Variants in ABR observed in about 807,000 individuals in gnomAD.
The protein encoded by ABR is ABR activator of RhoGEF and GTPase, also known as active breakpoint cluster region-related protein.
In ABR, 35 loss-of-function variants were observed where a neutral mutation model predicts 107.2. That is an observed-to-expected ratio of 0.33 (90% CI 0.25 to 0.43). The LOEUF (loss-of-function observed/expected upper bound fraction) is 0.43, where lower values mean the gene tolerates loss of function less well. ABR is among the 20% of genes least tolerant of loss of function. ABR has a pLI of 1.00. For missense variants in ABR, 815 were observed against 1,115.2 expected, an observed-to-expected ratio of 0.73 and a Z score of 3.83; for synonymous variants, 498 against 462.0, an observed-to-expected ratio of 1.08 and a Z score of -1.00.
chr17:1,064,964 C>T (rs2034542138), intron 10 of ABR, among the ~76,000 whole-genome samples: 2 of 85,476 alleles, frequency 2.3e-5, no homozygotes, highest in Admixed American at 1.2e-4. Context: ...TTCCTCTAGA[C>T]ACTGCTGTTA....
At chr17:1,013,842 C>T (rs890793974) in intron 16 of ABR, among the ~76,000 whole-genome samples, 2 of 152,184 alleles carry the variant, frequency 1.3e-5, no homozygotes, top group Non-Finnish European at 2.9e-5. Flanking sequence ...CAGGGAGGTG[C>T]GGACCCCAGG....
chr17:1,030,669 C>T (rs1012939612), intron 16 of ABR, among the ~76,000 whole-genome samples: 2 of 152,230 alleles, frequency 1.3e-5, no homozygotes, highest in African/African-American at 4.8e-5. Context: ...TTCGTCCTGG[C>T]TGATGCCAGG....
rs1243749251 is a variant in ABR, at chr17:1,078,051, G to C, written c.700+1279C>G. ...TCCCGGGACTTCCCCCCAGCCCCCA[G>C]CCAGCTGCGGGAGCTGCAAGGAGGA... On this transcript the variant is annotated intron_variant, in intron 6 of 22. Transcript: ENST00000302538. This position sits in a 1 kb window ranked among gnomAD's most constrained non-coding sequence, Gnocchi z 7.5. Among the ~76,000 whole-genome samples the C allele has an allele frequency of 2.0e-5, 3 of 152,042 alleles. No individual in the cohort carries two copies. Among genetic ancestry groups the C allele is most frequent in the Non-Finnish European group, 4.4e-5 (3 of 68,012 alleles).
chr17:1,088,452 TTAATAATAA>T (rs60961802), intron 4 of ABR, among the ~76,000 whole-genome samples: 4,040 of 143,476 alleles, frequency 0.028, 88 homozygotes, highest in African/African-American at 0.061. Flanking sequence ...TCTTCCCAAT[TTAATAATAA>T]TAATAATAAT....
intron 16 of ABR, among the ~76,000 whole-genome samples, chr17:1,018,193 C>A (rs866260291): frequency 6.6e-6 from 1 of 152,044 alleles, no homozygotes; most frequent in Admixed American, 6.6e-5. Context: ...CAGGCGCCCG[C>A]CACCACCCCC....
chr17:1,050,837 G>A lies in ABR; in HGVS notation c.1562-203C>T, dbSNP rs2277684. ...TTAGGGGCTCAGCCCTCCCCACCTC[G>A]GCTCACCCCACACTCTGCCCTTCCT... is the stretch of plus-strand genomic sequence containing the variant. On this transcript the variant is annotated intron_variant, in intron 14 of 22. Transcript: ENST00000302538. This position sits in a 1 kb window ranked among gnomAD's most constrained non-coding sequence, Gnocchi z 4.6. Among the ~76,000 whole-genome samples, 206 of 151,070 alleles carry A rather than the reference G, an allele frequency of 1.4e-3. 1 individual carries two copies. In the East Asian group the frequency reaches 0.014, roughly 11 times the overall value.
At chr17:1,194,178 T>A (rs76046468) in intron 1 of ABR, among the ~76,000 whole-genome samples, 14 of 151,904 alleles carry the variant, frequency 9.2e-5, no homozygotes, top group Admixed American at 1.3e-4. Flanking sequence ...TGTTTTTTTT[T>A]ATTTATTTAT....
chr17:1,173,132 C>T (rs868408711), intron 1 of ABR, among the ~76,000 whole-genome samples: 1 of 118,744 alleles, frequency 8.4e-6, no homozygotes. Flanking sequence ...GTCCACCCCC[C>T]ACACATCACC....
In ABR at chr17:1,217,266, G is replaced by A. The variant is rs149430841; in HGVS notation, c.838+11527C>T. ...CCCCCCAAGGCTGCAGCCGTGACGC[G>A]TCTGTAATTGGATGCTTCGCTGTTC... On this transcript the variant is annotated intron_variant, in intron 1 of 22. Coordinates refer to the ABR transcript ENST00000574139. Among the ~76,000 whole-genome samples the A allele has an allele frequency of 2.6e-3, 400 of 152,274 alleles. 8 individuals carry two copies. The highest frequency in any genetic ancestry group is 0.02 in the Admixed American group (303 of 15,290).
intron 2 of ABR, among the ~76,000 whole-genome samples, chr17:1,120,612 TC>T (rs1311240846): frequency 2.1e-4 from 32 of 152,300 alleles, no homozygotes; most frequent in African/African-American, 7.7e-4. Context: ...TCCACCCTTA[TC>T]TTTGGGTTCT....
intron 1 of ABR, among the ~76,000 whole-genome samples, chr17:1,140,489 C>T (rs1392851821): frequency 3.3e-5 from 5 of 152,170 alleles, no homozygotes; most frequent in Admixed American, 6.5e-5. Context: ...TCAGCCTGTC[C>T]GGGGCAATTT....
chr17:1,077,409 G>A (rs1437720377), intron 6 of ABR, among the ~76,000 whole-genome samples: 2 of 152,180 alleles, frequency 1.3e-5, no homozygotes, highest in Non-Finnish European at 2.9e-5. Context: ...CCAAGGGTAC[G>A]TTTCCTTTTC....
intron 1 of ABR, among the ~76,000 whole-genome samples, chr17:1,149,104 C>T (rs886146729): frequency 3.9e-5 from 6 of 151,948 alleles, no homozygotes; most frequent in African/African-American, 1.5e-4. Flanking sequence ...GGGGTTTCAC[C>T]GTGTTAGCCG....
At chr17:1,049,615 T>TA (rs1430138095) in intron 16 of ABR, among the ~76,000 whole-genome samples, 1 of 150,958 alleles carries the variant, frequency 6.6e-6, no homozygotes, top group African/African-American at 2.5e-5. Flanking sequence ...AGCAGGACCC[T>TA]AAGTCTTTCG....
intron 1 of ABR, among the ~76,000 whole-genome samples, chr17:1,169,488 C>G (rs1486075605): frequency 6.6e-6 from 1 of 152,198 alleles, no homozygotes; most frequent in Non-Finnish European, 1.5e-5. Context: ...TGGCCAGAAT[C>G]CAGAGCTACA....
rs918986392 is a variant in ABR at position 1,005,328 on chromosome 17, C to T, written c.*752G>A. On this transcript the variant is annotated 3_prime_UTR_variant, in exon 23 of 23. Transcript: ENST00000302538. Reference sequence around the variant, plus strand: ...AGGTAAACCCCAGAAGTGGAGATTCCCAAACGGAAAATTCCAGAAATGGGC... The same window carrying T: ...AGGTAAACCCCAGAAGTGGAGATTCTCAAACGGAAAATTCCAGAAATGGGC... 7.6e-6 allele frequency: 3 copies of T among 395,962 alleles called. No homozygotes were observed. Among genetic ancestry groups the T allele is most frequent in the African/African-American group, 4.1e-5 (2 of 48,612 alleles). 24.5% of individuals were successfully genotyped at this position (395,962 alleles called of 1,614,324 possible).
Position 1,034,668 on chromosome 17 carries a change from C to T in ABR, c.1791+15382G>A, listed in dbSNP as rs1471597865. On this transcript the variant is annotated intron_variant, in intron 16 of 22. Coordinates refer to ENST00000302538, the MANE Select transcript of ABR (RefSeq NM_021962.5). The stretch of plus-strand genomic sequence containing the variant: ...CTTTACTCTACCTCCCTCCAGCAAA[C>T]GTGCAATGGCTGTCATGTAACTGGC... 2.0e-5 allele frequency among the ~76,000 whole-genome samples: 3 copies of T among 152,128 alleles called. No individual in the cohort carries two copies. In the East Asian group the frequency reaches 5.8e-4, roughly 29 times the overall value.
intron 16 of ABR, among the ~76,000 whole-genome samples, chr17:1,042,774 T>A (rs2030863334): frequency 6.7e-6 from 1 of 148,216 alleles, no homozygotes; most frequent in African/African-American, 2.5e-5. Flanking sequence ...GATAAACAGA[T>A]GTGGCACCTA....
intron 1 of ABR, among the ~76,000 whole-genome samples, chr17:1,222,504 C>A (rs1271271725): frequency 1.3e-5 from 2 of 152,178 alleles, no homozygotes; most frequent in African/African-American, 4.8e-5. Context: ...CCTAGAGCAA[C>A]AATCTCATTA....
Sources: allele counts gnomAD v4.1 joint callset (sites outside exome capture counted in the v4.1 genomes callset), GRCh38; gene constraint gnomAD v4.1.1; non-coding constraint Gnocchi (gnomAD v3.1); transcripts MANE v1.5; gene names NCBI Gene and HGNC (gene_info 2026-07-23, HGNC 2026-07-21).